The following EGFR variants were observed in gnomAD, a reference collection of about 807,000 sequenced individuals.
EGFR encodes avian erythroblastic leukemia viral (v-erb-b) oncogene homolog.
In EGFR, 58 loss-of-function variants were observed where a neutral mutation model predicts 143.0. The ratio of observed to expected loss-of-function variants is 0.41; its 90% confidence interval spans 0.33 to 0.50. EGFR has a LOEUF of 0.50. EGFR is among the 20% of genes least tolerant of loss of function. The pLI, the probability that EGFR is intolerant of heterozygous loss-of-function variation, is 0.39. For synonymous variants in EGFR, 613 were observed against 594.4 expected, an observed-to-expected ratio of 1.03 and a Z score of -0.45; for missense variants, 1,307 against 1,579.0, an observed-to-expected ratio of 0.83 and a Z score of 2.92.
chr7:55,162,110 T>C (rs1276828147), intron 13 of EGFR, among the ~76,000 whole-genome samples: 1 of 152,234 alleles, frequency 6.6e-6, no homozygotes, highest in Non-Finnish European at 1.5e-5. Flanking sequence ...ACTTTAAATA[T>C]ACCCACGGAC....
In EGFR at chr7:55,211,550, A is replaced by T. The variant is rs1358403073; in HGVS notation, c.*5933A>T. On this transcript the variant is annotated 3_prime_UTR_variant, in exon 28 of 28. Transcript: ENST00000275493. ...AAATGTTGATTGTGCATTGAGTATT[A>T]AAAAATTAGATGTATATTATTCATT... The T allele has an allele frequency of 6.6e-6, 1 of 152,192 alleles. No homozygotes were observed. 9.4% of individuals were successfully genotyped at this position (152,192 alleles called of 1,614,324 possible).
At chr7:55,195,385 A>G (rs576555979) in intron 22 of EGFR, among the ~76,000 whole-genome samples, 11 of 152,338 alleles carry the variant, frequency 7.2e-5, no homozygotes, top group Non-Finnish European at 1.6e-4. Context: ...CTGGTTCTAA[A>G]ATTATCACTG....
intron 1 of EGFR, among the ~76,000 whole-genome samples, chr7:55,114,477 C>A (rs1243466890): frequency 6.6e-6 from 1 of 151,908 alleles, no homozygotes; most frequent in African/African-American, 2.4e-5. Context: ...CACAGTGAGA[C>A]CCTGTTTCTA....
At chr7:55,056,895 C>A (rs764482228) in intron 1 of EGFR, among the ~76,000 whole-genome samples, 1 of 152,192 alleles carries the variant, frequency 6.6e-6, no homozygotes, top group African/African-American at 2.4e-5. Flanking sequence ...GCAGCTCAGA[C>A]GGTGTGTGCA....
intron 1 of EGFR, among the ~76,000 whole-genome samples, chr7:55,106,278 G>C (rs369195449): frequency 6.6e-6 from 1 of 152,260 alleles, no homozygotes; most frequent in Admixed American, 6.5e-5. Flanking sequence ...ACGTTGAACA[G>C]TGTGCGTCCA....
intron 19 of EGFR, among the ~76,000 whole-genome samples, chr7:55,179,189 C>T (rs1786741492): frequency 1.3e-5 from 2 of 152,206 alleles, no homozygotes; most frequent in Admixed American, 1.3e-4. Context: ...TTTTTAAAAT[C>T]ACACAAATAT....
At chr7:55,188,682 C>T (rs527878087) in intron 20 of EGFR, among the ~76,000 whole-genome samples, 2 of 152,256 alleles carry the variant, frequency 1.3e-5, no homozygotes, top group African/African-American at 4.8e-5. Context: ...CAGGCCGTAT[C>T]GCAGCTCTTA....
chr7:55,117,386 G>T (rs1055269029), intron 1 of EGFR, among the ~76,000 whole-genome samples: 1 of 152,178 alleles, frequency 6.6e-6, no homozygotes, highest in Non-Finnish European at 1.5e-5. Flanking sequence ...ATTTCCCGGG[G>T]TGGGGGGGAC....
At chr7:55,190,864 A>G (rs770803857) in intron 20 of EGFR, among the ~76,000 whole-genome samples, 41 of 152,290 alleles carry the variant, frequency 2.7e-4, no homozygotes, top group Non-Finnish European at 5.6e-4. Context: ...GCAGGCTGCC[A>G]TTCTTAGGCC....
chr7:55,183,900 AC>A (rs895602591), intron 20 of EGFR, among the ~76,000 whole-genome samples: 2 of 151,880 alleles, frequency 1.3e-5, no homozygotes, highest in African/African-American at 4.8e-5. Flanking sequence ...TCTCCCAGTA[AC>A]CCCCAGCTCC....
intron 17 of EGFR, 43 bp from the exon 18 acceptor site, chr7:55,173,878 A>G (rs1786469693): frequency 6.2e-6 from 10 of 1,613,936 alleles, no homozygotes; most frequent in Non-Finnish European, 8.5e-6. Context: ...CAGCATGGTG[A>G]GGGCTGAGGT....
intron 1 of EGFR, among the ~76,000 whole-genome samples, chr7:55,061,594 G>A (rs757505040): frequency 4.0e-5 from 6 of 150,668 alleles, no homozygotes; most frequent in Admixed American, 1.3e-4. Context: ...TCCCTCCCAC[G>A]GATGACGGTC....
At chr7:55,148,706 T>C (rs778173785) in intron 4 of EGFR, among the ~76,000 whole-genome samples, 3 of 152,150 alleles carry the variant, frequency 2.0e-5, no homozygotes, top group African/African-American at 4.8e-5. Flanking sequence ...AGAGTGCAAA[T>C]TCACCATCGA....
intron 15 of EGFR, chr7:55,168,467 A>G: frequency 9.6e-7 from 1 of 1,044,324 alleles, no homozygotes; most frequent in Admixed American, 1.7e-5. Flanking sequence ...TTTAGTCAAG[A>G]TTTAAATTAA....
At chr7:55,179,934 G>C (rs1040337734) in intron 19 of EGFR, 8 of 152,226 alleles carry the variant, frequency 5.3e-5, no homozygotes, top group Non-Finnish European at 1.0e-4. Context: ...TCAGGGGCTT[G>C]AGCATCCTCA....
intron 1 of EGFR, among the ~76,000 whole-genome samples, chr7:55,055,446 T>G (rs1788751389): frequency 6.6e-6 from 1 of 152,192 alleles, no homozygotes; most frequent in African/African-American, 2.4e-5. Context: ...GCTTTCTCTA[T>G]CTAAAGTTCA....
chr7:55,161,789 GTTTGATTGCGTTA>G (rs1029700593), intron 13 of EGFR, among the ~76,000 whole-genome samples, 158 bp downstream of exon 13: 1 of 152,166 alleles, frequency 6.6e-6, no homozygotes, highest in African/African-American at 2.4e-5. Flanking sequence ...ACGGGAAGTT[GTTTGATTGCGTTA>G]TTTTTGGCAA....
At chr7:55,079,345 G>A (rs1168587274) in intron 1 of EGFR, among the ~76,000 whole-genome samples, 2 of 152,250 alleles carry the variant, frequency 1.3e-5, no homozygotes, top group African/African-American at 2.4e-5. Flanking sequence ...GGGTCGGCGT[G>A]CTGCTGAAGA....
At chr7:55,163,684 C>A (rs372961750) in intron 13 of EGFR, 49 bp from the exon 14 acceptor site, 85 of 1,516,308 alleles carry the variant, frequency 5.6e-5, no homozygotes, top group Non-Finnish European at 7.2e-5. Context: ...TGTGTTCCTG[C>A]AATAATGTCT....
Sources: gnomAD v4.1 joint callset for allele counts (sites outside exome capture counted in the v4.1 genomes callset) on GRCh38, gnomAD v4.1.1 for gene constraint, MANE v1.5 for transcripts, NCBI Gene and HGNC (gene_info 2026-07-23, HGNC 2026-07-21) for gene names.